KLF12: variants seen among roughly 807,000 people sequenced by gnomAD.
The protein encoded by KLF12 is Krueppel-like factor 12.
A neutral mutation model predicts 37.8 loss-of-function variants in KLF12; 9 were observed. The observed-to-expected ratio is 0.24, with a 90% CI of 0.14 to 0.42. The LOEUF is 0.42. KLF12 is among the 10% of genes least tolerant of loss of function. The probability of loss-of-function intolerance (pLI) is 1.00; values close to 1 mark genes in which losing one functional copy is unlikely to be tolerated. For synonymous variants in KLF12, 208 were observed against 202.1 expected (o/e 1.03, Z -0.25); for missense variants, 411 against 516.0 (o/e 0.80, Z 1.97).
chr13:74,076,850 T>C (rs1280681647), intron 1 of KLF12, among the ~76,000 whole-genome samples: 1 of 152,140 alleles, frequency 6.6e-6, no homozygotes, highest in Non-Finnish European at 1.5e-5. Flanking sequence ...TTTGTGTTCA[T>C]GTGTTTTCAT....
chr13:73,933,865 A>G (rs1205271771), intron 3 of KLF12, among the ~76,000 whole-genome samples: 4 of 151,544 alleles, frequency 2.6e-5, no homozygotes, highest in Non-Finnish European at 5.9e-5. Flanking sequence ...ATATAACATA[A>G]AATTTACCCT....
intron 3 of KLF12, among the ~76,000 whole-genome samples, chr13:73,938,555 T>C (rs1435654011): frequency 6.6e-6 from 1 of 152,194 alleles, no homozygotes; most frequent in Non-Finnish European, 1.5e-5. Flanking sequence ...GCCCTGCCGA[T>C]TCATAAGCTC....
At chr13:74,223,567 G>A in the KLF12 span, among the ~76,000 whole-genome samples, 1 of 152,158 alleles carries the variant, frequency 6.6e-6, no homozygotes, top group African/African-American at 2.4e-5. Flanking sequence ...CTGGGACCCA[G>A]GGGAGTCTTC....
the KLF12 span, among the ~76,000 whole-genome samples, chr13:74,187,436 T>C: frequency 6.6e-6 from 1 of 152,160 alleles, no homozygotes; most frequent in Non-Finnish European, 1.5e-5. Flanking sequence ...TAACCGGGGA[T>C]AACCAGAGTA....
At chr13:74,002,670 A>C (rs950040744) in intron 1 of KLF12, among the ~76,000 whole-genome samples, 1 of 152,184 alleles carries the variant, frequency 6.6e-6, no homozygotes, top group Non-Finnish European at 1.5e-5. Context: ...ACCTGGTCTG[A>C]CTCTTACTAT....
At chr13:74,069,040 GT>G (rs1388181633) in intron 1 of KLF12, among the ~76,000 whole-genome samples, 1 of 152,128 alleles carries the variant, frequency 6.6e-6, no homozygotes. Flanking sequence ...AGAGACTAAG[GT>G]TTTAGCCCTC....
At chr13:74,241,663 T>C in the KLF12 span, among the ~76,000 whole-genome samples, 5 of 152,182 alleles carry the variant, frequency 3.3e-5, no homozygotes, top group Non-Finnish European at 7.3e-5. Flanking sequence ...TGCGCCGTTT[T>C]TTAAGCCCGT....
chr13:73,811,189 T>C (rs1029466233), intron 5 of KLF12, among the ~76,000 whole-genome samples: 2 of 151,888 alleles, frequency 1.3e-5, no homozygotes, highest in Non-Finnish European at 2.9e-5. Context: ...TTTCACTATG[T>C]TGGCCAGGCT....
intron 1 of KLF12, among the ~76,000 whole-genome samples, chr13:74,035,335 C>T (rs1452352296): frequency 3.9e-5 from 6 of 151,928 alleles, no homozygotes; most frequent in Admixed American, 6.6e-5. Context: ...TTTTCAATTT[C>T]GGTTGGTGGA....
intron 6 of KLF12, 123 bp downstream of exon 6, chr13:73,764,815 T>C (rs1005694650): frequency 3.4e-6 from 2 of 579,854 alleles, no homozygotes; most frequent in African/African-American, 1.9e-5. Flanking sequence ...GAAGACCGCA[T>C]AGTCCAGTTA....
At chr13:73,722,713 G>T (rs766160041) in intron 6 of KLF12, among the ~76,000 whole-genome samples, 4 of 152,172 alleles carry the variant, frequency 2.6e-5, no homozygotes, top group Non-Finnish European at 5.9e-5. Flanking sequence ...TATAAATCAA[G>T]AGAAATACGT....
At chr13:73,810,982 C>CCTTTTT (rs1555308732) in intron 5 of KLF12, among the ~76,000 whole-genome samples, 18 of 44,816 alleles carry the variant, frequency 4.0e-4, no homozygotes, top group East Asian at 9.7e-4. Flanking sequence ...ATTTTTCTTT[C>CCTTTTT]TTTTTTTTTT....
At chr13:73,912,430 C>G (rs187927578) in intron 3 of KLF12, among the ~76,000 whole-genome samples, 1 of 152,134 alleles carries the variant, frequency 6.6e-6, no homozygotes, top group African/African-American at 2.4e-5. Flanking sequence ...AGAGGTCATA[C>G]TGGAAGACGG....
At chr13:74,088,659 G>C (rs1949522077) in intron 1 of KLF12, among the ~76,000 whole-genome samples, 1 of 152,134 alleles carries the variant, frequency 6.6e-6, no homozygotes, top group South Asian at 2.1e-4. Flanking sequence ...ACAGTGCTGG[G>C]GTTCTGAACA....
the KLF12 span, among the ~76,000 whole-genome samples, chr13:74,261,522 CA>C: frequency 1.6e-3 from 249 of 151,736 alleles, 2 homozygotes; most frequent in Non-Finnish European, 2.5e-3. Flanking sequence ...AATGTTATCT[CA>C]AAAAAAGAAA....
intron 1 of KLF12, among the ~76,000 whole-genome samples, chr13:74,073,752 C>A (rs940629160): frequency 6.6e-6 from 1 of 152,126 alleles, no homozygotes; most frequent in Non-Finnish European, 1.5e-5. Context: ...GAGGGAAGAA[C>A]CCCAAAGACT....
At chr13:74,100,642 CATAGAT>C (rs1373513259) in intron 1 of KLF12, among the ~76,000 whole-genome samples, 3 of 151,540 alleles carry the variant, frequency 2.0e-5, no homozygotes, top group Non-Finnish European at 2.9e-5. Context: ...TATGTATAAA[CATAGAT>C]ATAAACACCT....
intron 3 of KLF12, among the ~76,000 whole-genome samples, chr13:73,865,909 G>T (rs1886151864): frequency 6.6e-6 from 1 of 152,126 alleles, no homozygotes. Context: ...ACTGAAAAAT[G>T]AATGAGCAAA....
At chr13:73,963,243 C>T (rs1408724761) in intron 2 of KLF12, among the ~76,000 whole-genome samples, 2 of 151,074 alleles carry the variant, frequency 1.3e-5, no homozygotes, top group African/African-American at 4.9e-5. Flanking sequence ...ATCAAAGTTT[C>T]TATACAGGTT....
Sources: allele counts gnomAD v4.1 joint callset (sites outside exome capture counted in the v4.1 genomes callset), GRCh38; gene constraint gnomAD v4.1.1; transcripts MANE v1.5; gene names NCBI Gene and HGNC (gene_info 2026-07-23, HGNC 2026-07-21).